The following POTEE variants were observed in gnomAD, a reference collection of about 807,000 sequenced individuals.
POTEE encodes POTE ankyrin domain family member E.
A neutral mutation model predicts 74.2 loss-of-function variants in POTEE; 21 were observed. The observed-to-expected ratio is 0.28, with a 90% CI of 0.20 to 0.41. The LOEUF (loss-of-function observed/expected upper bound fraction) is 0.41, where lower values mean the gene tolerates loss of function less well. Among genes scored for constraint, POTEE ranks in the 10% least tolerant of loss-of-function variants. The probability of loss-of-function intolerance (pLI) is 1.00; values close to 1 mark genes in which losing one functional copy is unlikely to be tolerated. For missense variants in POTEE, 525 were observed against 1,158.6 expected, an observed-to-expected ratio of 0.45 and a Z score of 7.94; for synonymous variants, 211 against 432.8, an observed-to-expected ratio of 0.49 and a Z score of 6.36.
chr2:131,211,101 G>A lies in POTEE; in HGVS notation c.-271G>A, dbSNP rs558030513. Among the ~76,000 whole-genome samples, 5 of 151,754 alleles carry A rather than the reference G, an allele frequency of 3.3e-5. No homozygotes were observed. The highest frequency in any genetic ancestry group is 1.3e-4 in the Admixed American group (2 of 15,284). On this transcript the variant is annotated 5_prime_UTR_variant, in exon 2 of 18. Coordinates refer to ENST00000683005, the MANE Select transcript of POTEE (RefSeq NM_001083538.3). Reference sequence around the variant, plus strand: ...GAGGAGAAGGAATCACCTGTGGTACGCTGGAGCCTGCATGTGGCGTGACTC... The same window carrying A: ...GAGGAGAAGGAATCACCTGTGGTACACTGGAGCCTGCATGTGGCGTGACTC...
At chr2:131,224,228 A>C (rs1230987887) in intron 6 of POTEE, among the ~76,000 whole-genome samples, 185 bp downstream of exon 6, 1 of 151,668 alleles carries the variant, frequency 6.6e-6, no homozygotes, top group African/African-American at 2.4e-5. Flanking sequence ...ATTAGAGGGT[A>C]CAGTTTTTTT....
At chr2:131,228,050 G>GT (rs1054219743) in intron 7 of POTEE, among the ~76,000 whole-genome samples, 194 bp from the exon 8 acceptor site, 14 of 150,752 alleles carry the variant, frequency 9.3e-5, no homozygotes, top group South Asian at 2.1e-4. Flanking sequence ...AGATAAGAGG[G>GT]TTTTTTTTGG....
intron 7 of POTEE, 129 bp from the exon 8 acceptor site, chr2:131,228,115 A>C: frequency 1.7e-6 from 2 of 1,206,596 alleles, no homozygotes; most frequent in Non-Finnish European, 2.2e-6. Flanking sequence ...TGAGCACTCA[A>C]GATGCTTATG....
intron 2 of POTEE, among the ~76,000 whole-genome samples, chr2:131,216,004 G>T (rs1381771826): frequency 2.0e-5 from 3 of 151,962 alleles, no homozygotes; most frequent in South Asian, 2.1e-4. Context: ...CAATAAAGTT[G>T]AGAGTTACAA....
At position 131,211,068 on chromosome 2, in the gene POTEE, TGGA is replaced by T. The variant is rs1353955961; in HGVS notation, c.-293_-291del. 1.3e-5 allele frequency among the ~76,000 whole-genome samples: 2 copies of T among 150,906 alleles called. No homozygotes were observed. The highest frequency in any genetic ancestry group is 3.9e-4 in the East Asian group (2 of 5,184). ...CCGGTCTAGCTGCTCCAAGCCAGGC[TGGA>T]GGAGGAGGAGAAGGAATCACCTGTG... On this transcript the variant is annotated 5_prime_UTR_variant, in exon 2 of 18. Coordinates refer to ENST00000683005, the MANE Select transcript of POTEE (RefSeq NM_001083538.3).
chr2:131,220,975 A>AG (rs1700599318), intron 4 of POTEE, among the ~76,000 whole-genome samples: 3 of 139,032 alleles, frequency 2.2e-5, no homozygotes, highest in Admixed American at 1.5e-4. Context: ...AAAAAAAAAG[A>AG]AAAAAAAAAA....
chr2:131,211,542 C>CT (rs1163533169), intron 2 of POTEE, among the ~76,000 whole-genome samples: 2,136 of 11,376 alleles, frequency 0.19, 951 homozygotes, highest in Non-Finnish European at 0.25. Flanking sequence ...GTGTGTGTGG[C>CT]TTTTTTTTTT....
chr2:131,221,156 A>G (rs1189887829), intron 4 of POTEE, among the ~76,000 whole-genome samples: 1 of 152,150 alleles, frequency 6.6e-6, no homozygotes, highest in Non-Finnish European at 1.5e-5. Flanking sequence ...TTATACTGAA[A>G]TATCTTTACC....
At chr2:131,232,940 C>T (rs935801707) in intron 9 of POTEE, among the ~76,000 whole-genome samples, 8 of 151,970 alleles carry the variant, frequency 5.3e-5, no homozygotes, top group Non-Finnish European at 7.4e-5. Flanking sequence ...GGCTGGGTCA[C>T]ACCACATGCT....
chr2:131,243,523 T>TGG (rs1294220971), intron 12 of POTEE, among the ~76,000 whole-genome samples: 7 of 152,142 alleles, frequency 4.6e-5, no homozygotes, highest in Non-Finnish European at 1.0e-4. Flanking sequence ...ACCTAATAAA[T>TGG]ACTTATTAAA....
chr2:131,231,402 G>T (rs2105091820), intron 9 of POTEE, among the ~76,000 whole-genome samples: 2 of 152,004 alleles, frequency 1.3e-5, no homozygotes, highest in South Asian at 4.2e-4. Context: ...CTCCTGTGTG[G>T]TGTGGTTCAT....
chr2:131,228,696 A>G (rs1169031725), intron 8 of POTEE, among the ~76,000 whole-genome samples: 1 of 147,144 alleles, frequency 6.8e-6, no homozygotes, highest in Non-Finnish European at 1.5e-5. Context: ...TTTTCTGATT[A>G]GTTATTTGGG....
chr2:131,217,787 C>T (rs961600397), intron 3 of POTEE, among the ~76,000 whole-genome samples, 104 bp downstream of exon 3: 2 of 143,368 alleles, frequency 1.4e-5, no homozygotes, highest in African/African-American at 5.2e-5. Flanking sequence ...CACGCGCACG[C>T]GCACGCCCGG....
rs372205112 is a variant in POTEE, at chr2:131,220,285, A to C, written c.521+1362A>C. Among the ~76,000 whole-genome samples the C allele has an allele frequency of 7.3e-4, 109 of 149,902 alleles. 1 individual carries two copies. In the East Asian group the frequency reaches 0.019, roughly 26 times the overall value. ...AGTAGTGCGATCTCGGCTCACTGCA[A>C]CCTCTGCCTCCTAGGTTCAAGCAAT... On this transcript the variant is annotated intron_variant, in intron 4 of 17. Coordinates refer to ENST00000683005, the MANE Select transcript of POTEE (RefSeq NM_001083538.3).
rs777717592 is a variant in POTEE at position 131,263,912 on chromosome 2, G to A, written c.2457G>A (p.Met819Ile). 17 of 1,614,082 alleles carry A rather than the reference G, an allele frequency of 1.1e-5. No homozygotes were observed. In the East Asian group the frequency reaches 2.5e-4, roughly 23 times the overall value. The change falls in exon 18 of 18, where the codon ATG becomes ATA. Residue 819 changes from methionine to isoleucine, a missense_variant. Coordinates refer to ENST00000683005, the MANE Select transcript of POTEE (RefSeq NM_001083538.3). ...ACCCCAAGGCCAACCGCGAGAAGAT[G>A]ACCCAGATCATGTTTGAGACCTTCA... ...PLNPKANREK[M>I]TQIMFETFNT...
chr2:131,230,770 A>G, intron 8 of POTEE, 66 bp from the exon 9 acceptor site: 3 of 1,561,700 alleles, frequency 1.9e-6, no homozygotes, highest in Non-Finnish European at 8.7e-7. Context: ...ATAATTCTAC[A>G]TTTGGTAAGT....
chr2:131,230,370 T>G (rs1700913301), intron 8 of POTEE, among the ~76,000 whole-genome samples: 1 of 152,186 alleles, frequency 6.6e-6, no homozygotes, highest in Non-Finnish European at 1.5e-5. Flanking sequence ...TCATAAAGTT[T>G]AGGAACAGAT....
intron 4 of POTEE, among the ~76,000 whole-genome samples, chr2:131,222,756 T>C (rs1042379355): frequency 2.0e-5 from 3 of 152,214 alleles, no homozygotes; most frequent in African/African-American, 7.2e-5. Context: ...GCTTAAAGTT[T>C]ATTGAAAACC....
At chr2:131,209,846 G>A (rs1359692387) in intron 1 of POTEE, among the ~76,000 whole-genome samples, 27 bp downstream of exon 1, 81 of 151,746 alleles carry the variant, frequency 5.3e-4, no homozygotes, top group Non-Finnish European at 9.3e-4. Flanking sequence ...TGTACTGCCC[G>A]CCTGTGGGGG....
Sources: allele counts gnomAD v4.1 joint callset (sites outside exome capture counted in the v4.1 genomes callset), GRCh38; gene constraint gnomAD v4.1.1; transcripts MANE v1.5; gene names NCBI Gene and HGNC (gene_info 2026-07-23, HGNC 2026-07-21).